Variants in SPTSSA observed in about 807,000 individuals in gnomAD.
SPTSSA encodes serine palmitoyltransferase small subunit A.
SPTSSA carries 8 observed loss-of-function variants against 9.1 expected under a neutral mutation model. The ratio of observed to expected loss-of-function variants is 0.88; its 90% CI spans 0.51 to 1.58. SPTSSA has a LOEUF of 1.58. SPTSSA is among the 40% of genes most tolerant of loss of function. The pLI, the probability that SPTSSA is intolerant of heterozygous loss-of-function variation, is 0.00. For missense variants in SPTSSA, 100 were observed against 93.8 expected, an observed-to-expected ratio of 1.07 and a Z score of -0.27; for synonymous variants, 42 against 37.7, an observed-to-expected ratio of 1.11 and a Z score of -0.41.
chr14:34,441,523 G>T (rs992594333), intron 1 of SPTSSA, among the ~76,000 whole-genome samples: 13 of 152,096 alleles, frequency 8.5e-5, no homozygotes, highest in Non-Finnish European at 4.4e-5. Context: ...CCAATTCTTT[G>T]TTCATAACGC....
At chr14:34,438,773 T>C (rs1416763365) in intron 1 of SPTSSA, among the ~76,000 whole-genome samples, 2 of 152,164 alleles carry the variant, frequency 1.3e-5, no homozygotes, top group African/African-American at 4.8e-5. Flanking sequence ...TAATCAATGA[T>C]AAATGATTAA....
At chr14:34,440,185 C>T (rs571331635) in intron 1 of SPTSSA, among the ~76,000 whole-genome samples, 2 of 152,296 alleles carry the variant, frequency 1.3e-5, no homozygotes, top group East Asian at 3.9e-4. Flanking sequence ...AAAAAACATG[C>T]TAAATAGACA....
intron 1 of SPTSSA, among the ~76,000 whole-genome samples, chr14:34,450,879 C>T (rs1420014225): frequency 1.3e-5 from 2 of 152,068 alleles, no homozygotes; most frequent in Non-Finnish European, 2.9e-5. Flanking sequence ...CTGGGCATAA[C>T]ATAAATATTT....
intron 1 of SPTSSA, among the ~76,000 whole-genome samples, chr14:34,442,290 T>A (rs1333140598): frequency 1.3e-5 from 2 of 152,200 alleles, no homozygotes; most frequent in East Asian, 1.9e-4. Flanking sequence ...GAATTAAATC[T>A]TCTTTTCTTA....
chr14:34,442,489 G>T (rs1277557958), intron 1 of SPTSSA, among the ~76,000 whole-genome samples: 1 of 152,216 alleles, frequency 6.6e-6, no homozygotes, highest in Non-Finnish European at 1.5e-5. Context: ...CCCCACAGGA[G>T]GTTGCTCCAG....
At chr14:34,437,897 C>T (rs1189861793) in intron 1 of SPTSSA, among the ~76,000 whole-genome samples, 1 of 152,154 alleles carries the variant, frequency 6.6e-6, no homozygotes, top group Non-Finnish European at 1.5e-5. Flanking sequence ...ACCTCCCAGG[C>T]TCAGGCAATC....
intron 1 of SPTSSA, among the ~76,000 whole-genome samples, chr14:34,439,070 T>C (rs1883281775): frequency 1.3e-5 from 2 of 152,170 alleles, no homozygotes; most frequent in African/African-American, 2.4e-5. Context: ...TACAGTAGAA[T>C]AGAGCAGGGG....
intron 1 of SPTSSA, among the ~76,000 whole-genome samples, chr14:34,457,988 A>G (rs1878520066): frequency 3.4e-5 from 5 of 148,690 alleles, no homozygotes; most frequent in East Asian, 2.0e-4. Flanking sequence ...AAAAAAAAAA[A>G]AACAAAGAAA....
Position 34,461,351 on chromosome 14 carries a change from G to A in SPTSSA, c.112+745C>T, listed in dbSNP as rs74975651. Among the ~76,000 whole-genome samples the A allele has an allele frequency of 4.3e-4, 65 of 152,304 alleles. No individual in the cohort carries two copies. In the East Asian group the frequency reaches 0.013, roughly 29 times the overall value. On this transcript the variant is annotated intron_variant, in intron 1 of 1. Transcript: ENST00000298130. ...TCAAAGTTAGATGAGTTAAGATACA[G>A]ACAACGTGCTTTGCACAAATGCTTT... is the stretch of plus-strand genomic sequence containing the variant.
chr14:34,444,778 G>A (rs572825328), intron 1 of SPTSSA, among the ~76,000 whole-genome samples: 13 of 151,260 alleles, frequency 8.6e-5, no homozygotes, highest in Admixed American at 2.0e-4. Context: ...GCTAAGAGTC[G>A]TCATTGTAAC....
At position 34,435,161 on chromosome 14, in the gene SPTSSA, G is replaced by T; in HGVS notation, c.*40C>A. On this transcript the variant is annotated 3_prime_UTR_variant, in exon 2 of 2. Transcript: ENST00000298130. ...GGTCTCATTCCAACTTCGTAGGGTG[G>T]GTCTTCCCCAAGGAACCTCTGATCC... The T allele has an allele frequency of 6.5e-7, 1 of 1,529,350 alleles. No individual in the cohort carries two copies. Among genetic ancestry groups the T allele is most frequent in the South Asian group, 1.1e-5 (1 of 87,104 alleles). The allele number at this position is 1,529,350 out of a possible 1,614,324, so 94.7% of individuals were successfully genotyped here.
At chr14:34,440,279 GATA>G (rs1490856599) in intron 1 of SPTSSA, among the ~76,000 whole-genome samples, 1 of 152,156 alleles carries the variant, frequency 6.6e-6, no homozygotes, top group Non-Finnish European at 1.5e-5. Flanking sequence ...TGAAAAACTT[GATA>G]ATGACTACAG....
intron 1 of SPTSSA, among the ~76,000 whole-genome samples, chr14:34,449,500 T>TC (rs1257126210): frequency 7.5e-6 from 1 of 133,644 alleles, no homozygotes; most frequent in Non-Finnish European, 1.6e-5. Context: ...GCACCCGGCC[T>TC]CCCTTTTTTT....
At chr14:34,449,650 G>A (rs141364901) in intron 1 of SPTSSA, among the ~76,000 whole-genome samples, 1,617 of 151,748 alleles carry the variant, frequency 0.011, 33 homozygotes, top group African/African-American at 0.036. Flanking sequence ...TTACAGGCAC[G>A]TGCCACCACG....
At chr14:34,457,595 A>G (rs560564044) in intron 1 of SPTSSA, among the ~76,000 whole-genome samples, 15 of 152,194 alleles carry the variant, frequency 9.9e-5, no homozygotes, top group Admixed American at 2.6e-4. Context: ...TAAGATAGAA[A>G]CATGTCTGCA....
chr14:34,449,503 C>CTTTTTTTTTTT (rs35238717), intron 1 of SPTSSA, among the ~76,000 whole-genome samples: 46 of 123,708 alleles, frequency 3.7e-4, no homozygotes, highest in African/African-American at 1.3e-3. Context: ...CCCGGCCTCC[C>CTTTTTTTTTTT]TTTTTTTTTT....
intron 1 of SPTSSA, among the ~76,000 whole-genome samples, chr14:34,449,783 G>A (rs112410241): frequency 0.011 from 1,659 of 152,278 alleles, 33 homozygotes; most frequent in African/African-American, 0.038. Context: ...GATTATAGGC[G>A]TGAGCCACCA....
At chr14:34,446,129 C>T (rs760048366) in intron 1 of SPTSSA, among the ~76,000 whole-genome samples, 6 of 152,176 alleles carry the variant, frequency 3.9e-5, no homozygotes, top group Non-Finnish European at 7.3e-5. Context: ...TCGTTTGAAT[C>T]TTCTGAGAAC....
rs943977218 is a variant in SPTSSA, at chr14:34,432,984, C to T, written c.*2217G>A. ...TTTATTGCAGTGGTCTGAAACTGAA[C>T]CCACAATAACTACAAGGTATGCTTG... On this transcript the variant is annotated 3_prime_UTR_variant, in exon 2 of 2. Coordinates refer to ENST00000298130, the MANE Select transcript of SPTSSA (RefSeq NM_138288.4). 2.0e-5 allele frequency: 3 copies of T among 152,046 alleles called. No individual in the cohort carries two copies. The highest frequency in any genetic ancestry group is 7.3e-5 in the African/African-American group (3 of 41,378). The allele number at this position is 152,046 out of a possible 1,614,324, so 9.4% of individuals were successfully genotyped here.
Sources: allele counts gnomAD v4.1 joint callset (sites outside exome capture counted in the v4.1 genomes callset), GRCh38; gene constraint gnomAD v4.1.1; transcripts MANE v1.5; gene names NCBI Gene and HGNC (gene_info 2026-07-23, HGNC 2026-07-21).